Variants in NTNG1 observed in about 807,000 individuals in gnomAD.
The protein encoded by NTNG1 is netrin-G1.
A neutral mutation model predicts 54.0 loss-of-function variants in NTNG1; 16 were observed. The observed-to-expected ratio is 0.30, with a 90% confidence interval of 0.20 to 0.45. The LOEUF is 0.45. Among genes scored for constraint, NTNG1 ranks in the 20% least tolerant of loss-of-function variants. NTNG1 has a pLI of 1.00. For missense variants in NTNG1, 530 were observed against 678.7 expected (o/e 0.78, Z 2.43); for synonymous variants, 255 against 263.1 (o/e 0.97, Z 0.30).
intron 4 of NTNG1, among the ~76,000 whole-genome samples, chr1:107,397,725 T>A (rs1182149288): frequency 6.6e-6 from 1 of 151,966 alleles, no homozygotes; most frequent in African/African-American, 2.4e-5. Flanking sequence ...AAGTTACTTC[T>A]TATCAAACCT....
intron 2 of NTNG1, among the ~76,000 whole-genome samples, chr1:107,191,043 A>G (rs1657876954): frequency 6.6e-6 from 1 of 152,226 alleles, no homozygotes; most frequent in Non-Finnish European, 1.5e-5. Context: ...AGTCCCACCA[A>G]CAGTGTAAAA....
At chr1:107,430,540 C>T in intron 5 of NTNG1, 1 of 687,456 alleles carries the variant, frequency 1.5e-6, no homozygotes, top group South Asian at 1.6e-5. Flanking sequence ...CAGTCTTGTT[C>T]CGAATGTCCG....
intron 2 of NTNG1, among the ~76,000 whole-genome samples, chr1:107,213,884 A>G (rs995627511): frequency 2.6e-5 from 4 of 152,104 alleles, no homozygotes; most frequent in Non-Finnish European, 5.9e-5. Context: ...TTAGATTAAT[A>G]TATATTTGTG....
chr1:107,162,129 C>T (rs1477420076), intron 2 of NTNG1, among the ~76,000 whole-genome samples: 2 of 151,656 alleles, frequency 1.3e-5, no homozygotes, highest in African/African-American at 4.8e-5. Flanking sequence ...TTAGTTTTTG[C>T]AATTACAAGC....
intron 3 of NTNG1, among the ~76,000 whole-genome samples, chr1:107,378,532 C>G (rs114377021): frequency 6.6e-6 from 1 of 152,110 alleles, no homozygotes; most frequent in Admixed American, 6.5e-5. Context: ...GGGGAACAGC[C>G]TTGGAATGCA....
intron 3 of NTNG1, among the ~76,000 whole-genome samples, chr1:107,362,990 G>A (rs1670383364): frequency 6.6e-6 from 1 of 152,076 alleles, no homozygotes; most frequent in African/African-American, 2.4e-5. Context: ...TCCATGGCTG[G>A]CTTTTATCAT....
intron 1 of NTNG1, among the ~76,000 whole-genome samples, chr1:107,142,578 C>T (rs1653808836): frequency 1.3e-5 from 2 of 151,524 alleles, no homozygotes; most frequent in South Asian, 2.1e-4. Flanking sequence ...TTCAGAACTC[C>T]ACTAAACATA....
At chr1:107,346,409 A>G (rs1669237702) in intron 3 of NTNG1, among the ~76,000 whole-genome samples, 2 of 152,296 alleles carry the variant, frequency 1.3e-5, no homozygotes, top group South Asian at 4.1e-4. Flanking sequence ...GTGGGAACTT[A>G]CCAGATAACT....
At chr1:107,380,992 G>T (rs1442071175) in intron 3 of NTNG1, among the ~76,000 whole-genome samples, 4 of 152,050 alleles carry the variant, frequency 2.6e-5, no homozygotes, top group Non-Finnish European at 5.9e-5. Flanking sequence ...TGTTTGTTTT[G>T]CTTGTTCATC....
intron 2 of NTNG1, among the ~76,000 whole-genome samples, chr1:107,254,299 G>T (rs556678388): frequency 5.3e-5 from 8 of 152,344 alleles, no homozygotes; most frequent in African/African-American, 1.9e-4. Context: ...CAGCACACCA[G>T]CTGGATTGTA....
At chr1:107,279,754 G>C (rs1664706729) in intron 2 of NTNG1, among the ~76,000 whole-genome samples, 1 of 151,958 alleles carries the variant, frequency 6.6e-6, no homozygotes. Flanking sequence ...GTATTTCCTT[G>C]GCATTTTTAA....
chr1:107,188,242 T>G (rs1243572339), intron 2 of NTNG1, among the ~76,000 whole-genome samples: 1 of 151,988 alleles, frequency 6.6e-6, no homozygotes, highest in Non-Finnish European at 1.5e-5. Context: ...ATTTATCACA[T>G]TGGGTATGAG....
chr1:107,315,796 G>A (rs1346829185), intron 2 of NTNG1, among the ~76,000 whole-genome samples: 1 of 152,194 alleles, frequency 6.6e-6, no homozygotes, highest in East Asian at 1.9e-4. Context: ...AATGAACTTA[G>A]TCTATATAGG....
At chr1:107,454,390 C>G (rs905149565) in intron 7 of NTNG1, among the ~76,000 whole-genome samples, 1 of 152,188 alleles carries the variant, frequency 6.6e-6, no homozygotes, top group African/African-American at 2.4e-5. Context: ...ACAGTGTTTA[C>G]TTGCATGCAG....
chr1:107,197,187 T>G (rs542354485), intron 2 of NTNG1, among the ~76,000 whole-genome samples: 17 of 152,116 alleles, frequency 1.1e-4, no homozygotes, highest in Non-Finnish European at 5.9e-5. Context: ...TATGATACCC[T>G]TAGGCTTGTG....
At chr1:107,269,876 TCAG>T (rs1664028019) in intron 2 of NTNG1, among the ~76,000 whole-genome samples, 1 of 152,232 alleles carries the variant, frequency 6.6e-6, no homozygotes, top group African/African-American at 2.4e-5. Context: ...CACATAGACA[TCAG>T]CAGCTTTAAA....
intron 2 of NTNG1, among the ~76,000 whole-genome samples, chr1:107,267,037 A>G (rs1176752123): frequency 6.6e-6 from 1 of 152,202 alleles, no homozygotes; most frequent in Admixed American, 6.5e-5. Flanking sequence ...GTCACAACAC[A>G]TTGTACTACA....
intron 2 of NTNG1, among the ~76,000 whole-genome samples, chr1:107,278,109 A>G (rs898705163): frequency 6.6e-6 from 1 of 152,116 alleles, no homozygotes; most frequent in Non-Finnish European, 1.5e-5. Flanking sequence ...ATATTTTCTC[A>G]TGGGCTTCAT....
intron 2 of NTNG1, among the ~76,000 whole-genome samples, chr1:107,223,850 T>G (rs1247865789): frequency 1.3e-5 from 2 of 152,104 alleles, no homozygotes; most frequent in African/African-American, 4.8e-5. Context: ...AGAACCAATC[T>G]GGAATTGTGT....
Sources: gnomAD v4.1 joint callset for allele counts (sites outside exome capture counted in the v4.1 genomes callset) on GRCh38, gnomAD v4.1.1 for gene constraint, MANE v1.5 for transcripts, NCBI Gene and HGNC (gene_info 2026-07-23, HGNC 2026-07-21) for gene names.